Variants in PPFIA2 observed in about 807,000 individuals in gnomAD.
The protein encoded by PPFIA2 is liprin-alpha-2.
In PPFIA2, 46 loss-of-function variants were observed where a neutral mutation model predicts 175.5. That is an observed-to-expected ratio of 0.26 (90% CI 0.21 to 0.34). PPFIA2 has a LOEUF of 0.34. Ranked by LOEUF, PPFIA2 falls within the 10% of genes least tolerant of loss-of-function variation. The pLI is 1.00. For missense variants in PPFIA2, 1,179 were observed against 1,506.1 expected (o/e 0.78, Z 3.60); for synonymous variants, 568 against 511.4 (o/e 1.11, Z -1.49).
intron 4 of PPFIA2, among the ~76,000 whole-genome samples, chr12:81,634,697 C>T (rs2063786952): frequency 6.6e-6 from 1 of 152,010 alleles, no homozygotes; most frequent in Non-Finnish European, 1.5e-5. Context: ...TTTTGAGAAC[C>T]ACATGAGGCA....
intron 3 of PPFIA2, among the ~76,000 whole-genome samples, chr12:81,744,773 A>T (rs151110000): frequency 6.6e-6 from 1 of 152,328 alleles, no homozygotes; most frequent in African/African-American, 2.4e-5. Context: ...GGGTTTCCAG[A>T]GGACTTTAAT....
chr12:81,538,417 C>A (rs1218197391), intron 4 of PPFIA2, among the ~76,000 whole-genome samples: 2 of 151,484 alleles, frequency 1.3e-5, no homozygotes, highest in African/African-American at 2.4e-5. Flanking sequence ...GGTTCTAGTG[C>A]AGATAGAAAT....
chr12:81,276,607 CTCTT>C (rs2040597190), intron 28 of PPFIA2, among the ~76,000 whole-genome samples: 1 of 152,112 alleles, frequency 6.6e-6, no homozygotes, highest in African/African-American at 2.4e-5. Flanking sequence ...TAAGGTACTT[CTCTT>C]TTGAAATTAT....
chr12:81,727,666 T>TA (rs1209801386), intron 3 of PPFIA2, among the ~76,000 whole-genome samples: 5 of 151,324 alleles, frequency 3.3e-5, no homozygotes, highest in Non-Finnish European at 5.9e-5. Flanking sequence ...CTGTGGTTTA[T>TA]AAAAAAACAA....
At chr12:81,414,015 C>T (rs1476568806) in intron 7 of PPFIA2, among the ~76,000 whole-genome samples, 2 of 151,560 alleles carry the variant, frequency 1.3e-5, no homozygotes, top group African/African-American at 2.4e-5. Context: ...CATACATTAC[C>T]TCATTTAATC....
intron 4 of PPFIA2, chr12:81,465,182 T>C (rs1294435539): frequency 1.3e-5 from 2 of 152,156 alleles, no homozygotes; most frequent in East Asian, 3.9e-4. Context: ...TAAACCTGCA[T>C]TTTCTAATCT....
intron 20 of PPFIA2, among the ~76,000 whole-genome samples, chr12:81,339,980 A>C (rs1304309023): frequency 3.3e-5 from 5 of 152,108 alleles, no homozygotes; most frequent in African/African-American, 9.7e-5. Context: ...TTAAGTTTCA[A>C]TTTATGGTCA....
At chr12:81,326,461 T>C (rs929358823) in intron 21 of PPFIA2, among the ~76,000 whole-genome samples, 3 of 152,134 alleles carry the variant, frequency 2.0e-5, no homozygotes, top group Non-Finnish European at 2.9e-5. Flanking sequence ...ACTCGATGTG[T>C]TCTGGGCAGG....
At chr12:81,654,571 T>A (rs1567733080) in intron 4 of PPFIA2, among the ~76,000 whole-genome samples, 1 of 152,110 alleles carries the variant, frequency 6.6e-6, no homozygotes. Flanking sequence ...TAAACCCAAC[T>A]ATCTCCTGAG....
At chr12:81,482,752 G>T (rs1013492032) in intron 4 of PPFIA2, among the ~76,000 whole-genome samples, 5 of 152,144 alleles carry the variant, frequency 3.3e-5, no homozygotes, top group African/African-American at 1.2e-4. Flanking sequence ...TGGGGGATAG[G>T]GGAGGGATAG....
At position 81,656,929 on chromosome 12, in the gene PPFIA2, A is replaced by T. The variant is rs1160227970; in HGVS notation, c.303+19862T>A. On this transcript the variant is annotated intron_variant, in intron 4 of 32. Coordinates refer to ENST00000549396, the MANE Select transcript of PPFIA2 (RefSeq NM_003625.5). ...TATTATGTGGTATTCTGGAATCAAC[A>T]TAGATTTTAATTGTAAGTAATAATT... Among the ~76,000 whole-genome samples the T allele has an allele frequency of 2.6e-5, 4 of 152,288 alleles. No individual in the cohort carries two copies. The East Asian group carries it at 7.7e-4, about 29-fold the overall frequency.
At chr12:81,543,943 G>A (rs1430845373) in intron 4 of PPFIA2, among the ~76,000 whole-genome samples, 1 of 152,042 alleles carries the variant, frequency 6.6e-6, no homozygotes, top group African/African-American at 2.4e-5. Flanking sequence ...AACTGTCAAG[G>A]TCATCAAAAA....
At chr12:81,374,047 A>G (rs1325491360) in intron 11 of PPFIA2, among the ~76,000 whole-genome samples, 1 of 152,024 alleles carries the variant, frequency 6.6e-6, no homozygotes, top group Non-Finnish European at 1.5e-5. Context: ...AAATTCTAAA[A>G]TATTCAGATA....
intron 4 of PPFIA2, among the ~76,000 whole-genome samples, chr12:81,642,831 T>C (rs1370243221): frequency 7.7e-6 from 1 of 130,418 alleles, no homozygotes; most frequent in Non-Finnish European, 1.6e-5. Context: ...TATATGTATG[T>C]ATGTATTACA....
chr12:81,754,320 C>A (rs1156255709), intron 2 of PPFIA2, 97 bp from the exon 3 acceptor site: 3 of 1,424,842 alleles, frequency 2.1e-6, no homozygotes, highest in Admixed American at 2.1e-5. Context: ...AGCTTATTAG[C>A]CTATTTGTCT....
chr12:81,352,066 C>T (rs2060109993), intron 17 of PPFIA2, among the ~76,000 whole-genome samples: 1 of 152,016 alleles, frequency 6.6e-6, no homozygotes, highest in Admixed American at 6.6e-5. Flanking sequence ...ATCCTGCTTT[C>T]TGCATTTGCT....
chr12:81,559,358 T>A (rs1391464196), intron 4 of PPFIA2, among the ~76,000 whole-genome samples: 1 of 152,204 alleles, frequency 6.6e-6, no homozygotes, highest in Non-Finnish European at 1.5e-5. Flanking sequence ...GCAAGGATAT[T>A]ATAGGACAAT....
chr12:81,535,546 AATAC>A (rs1315977363), intron 4 of PPFIA2: 1 of 445,318 alleles, frequency 2.2e-6, no homozygotes, highest in Non-Finnish European at 4.5e-6. Context: ...ATAACACAAA[AATAC>A]ATACATTTCT....
intron 28 of PPFIA2, among the ~76,000 whole-genome samples, chr12:81,271,705 ATAATT>A (rs1442520845): frequency 6.6e-6 from 1 of 152,192 alleles, no homozygotes; most frequent in African/African-American, 2.4e-5. Context: ...AGACTTTCAA[ATAATT>A]TAATTTCACT....
Sources: gnomAD v4.1 joint callset for allele counts (sites outside exome capture counted in the v4.1 genomes callset) on GRCh38, gnomAD v4.1.1 for gene constraint, MANE v1.5 for transcripts, NCBI Gene and HGNC (gene_info 2026-07-23, HGNC 2026-07-21) for gene names.